MTNAP1: variants seen among roughly 807,000 people sequenced by gnomAD.
MTNAP1 encodes the protein mitochondrial nucleoid-associated protein 1.
the MTNAP1 span, among the ~76,000 whole-genome samples, chr17:73,234,105 A>G: frequency 6.6e-6 from 1 of 152,136 alleles, no homozygotes; most frequent in African/African-American, 2.4e-5. Flanking sequence ...AAACGTTTAT[A>G]TCTAAAGAAT....
At chr17:73,238,019 A>G in the MTNAP1 span, among the ~76,000 whole-genome samples, 1 of 152,326 alleles carries the variant, frequency 6.6e-6, no homozygotes, top group South Asian at 2.1e-4. Flanking sequence ...CTTGGGGCGA[A>G]AGACTGAACG....
the MTNAP1 span, chr17:73,247,570 G>A: frequency 1.1e-5 from 5 of 464,344 alleles, no homozygotes; most frequent in Non-Finnish European, 1.6e-5. Flanking sequence ...CTTAGTCACA[G>A]TAAATATTTT....
At chr17:73,233,591 C>A in the MTNAP1 span, among the ~76,000 whole-genome samples, 1 of 152,146 alleles carries the variant, frequency 6.6e-6, no homozygotes, top group African/African-American at 2.4e-5. Flanking sequence ...AGGCTGGGCG[C>A]GGTGGCTCAC....
chr17:73,236,086 G>A, the MTNAP1 span: 1 of 1,614,100 alleles, frequency 6.2e-7, no homozygotes, highest in Non-Finnish European at 8.5e-7. Context: ...AACTACCTCT[G>A]GTGATCTCAA....
chr17:73,235,838 C>CGGA, the MTNAP1 span: 15 of 1,614,104 alleles, frequency 9.3e-6, no homozygotes, highest in Non-Finnish European at 1.3e-5. Flanking sequence ...ATCCAACCAT[C>CGGA]CTTCAAAATG....
chr17:73,237,215 A>T, the MTNAP1 span, among the ~76,000 whole-genome samples: 1 of 152,186 alleles, frequency 6.6e-6, no homozygotes, highest in Non-Finnish European at 1.5e-5. Flanking sequence ...AGGCAGGTGG[A>T]TCACTTGAAT....
chr17:73,242,187 T>C, the MTNAP1 span: 3 of 1,183,878 alleles, frequency 2.5e-6, no homozygotes, highest in South Asian at 2.7e-5. Flanking sequence ...CACTGGATGT[T>C]AGGGAAGGGG....
chr17:73,239,531 T>TC, the MTNAP1 span, among the ~76,000 whole-genome samples: 4 of 150,694 alleles, frequency 2.7e-5, no homozygotes, highest in African/African-American at 2.4e-5. Context: ...TTTTTTTTTT[T>TC]TTCTTGAGAC....
At chr17:73,234,807 A>G in the MTNAP1 span, among the ~76,000 whole-genome samples, 1 of 66,436 alleles carries the variant, frequency 1.5e-5, no homozygotes, top group African/African-American at 4.2e-5. Flanking sequence ...GCATATTACT[A>G]AATGTTAGTA....
the MTNAP1 span, chr17:73,247,259 T>C: frequency 6.2e-7 from 1 of 1,614,228 alleles, no homozygotes; most frequent in Admixed American, 1.7e-5. Flanking sequence ...TGCCGACCCC[T>C]GCCCTGGAAG....
At chr17:73,245,059 A>G in the MTNAP1 span, 2 of 1,036,590 alleles carry the variant, frequency 1.9e-6, no homozygotes, top group Non-Finnish European at 2.9e-6. Flanking sequence ...TTAATACTCT[A>G]TTTCTAAACT....
the MTNAP1 span, chr17:73,236,985 ACT>A: frequency 1.9e-6 from 3 of 1,566,034 alleles, no homozygotes; most frequent in East Asian, 2.3e-5. Flanking sequence ...AGGGGGAAAG[ACT>A]CTCACAAGGT....
At chr17:73,247,721 C>T in the MTNAP1 span, 1 of 171,904 alleles carries the variant, frequency 5.8e-6, no homozygotes, top group Non-Finnish European at 1.3e-5. Flanking sequence ...TTTTGTTTGA[C>T]ATTGGTAAGT....
the MTNAP1 span, chr17:73,236,041 A>G: frequency 6.2e-7 from 1 of 1,614,082 alleles, no homozygotes; most frequent in Admixed American, 1.7e-5. Context: ...AAATCAAGAT[A>G]GAAAATATTC....
chr17:73,246,861 G>A, the MTNAP1 span, among the ~76,000 whole-genome samples: 20 of 152,152 alleles, frequency 1.3e-4, no homozygotes, highest in Non-Finnish European at 5.9e-5. Context: ...CTTCCCTGCC[G>A]AAAGAGCTTT....
the MTNAP1 span, among the ~76,000 whole-genome samples, chr17:73,239,969 A>G: frequency 1.2e-3 from 185 of 151,666 alleles, no homozygotes; most frequent in Non-Finnish European, 2.4e-3. Context: ...AGTCAGGTGA[A>G]CCTGGAGGTA....
At chr17:73,238,921 CTG>C in the MTNAP1 span, among the ~76,000 whole-genome samples, 6 of 150,858 alleles carry the variant, frequency 4.0e-5, no homozygotes, top group Admixed American at 2.0e-4. Context: ...CCATACTTTT[CTG>C]TGTGTGTGTG....
chr17:73,247,457 C>A, the MTNAP1 span: 1 of 964,782 alleles, frequency 1.0e-6, no homozygotes, highest in Non-Finnish European at 1.6e-6. Flanking sequence ...TAAGGGATAG[C>A]TTTTCAGCCC....
At chr17:73,240,322 ACTT>A in the MTNAP1 span, among the ~76,000 whole-genome samples, 1 of 152,194 alleles carries the variant, frequency 6.6e-6, no homozygotes, top group Non-Finnish European at 1.5e-5. Flanking sequence ...TAGGGCCTCT[ACTT>A]CTATTATAAA....
Sources: allele counts gnomAD v4.1 joint callset (sites outside exome capture counted in the v4.1 genomes callset), GRCh38; gene constraint gnomAD v4.1.1; transcripts MANE v1.5; gene names NCBI Gene and HGNC (gene_info 2026-07-23, HGNC 2026-07-21).